The following ANO5 variants were observed in gnomAD, a reference collection of about 807,000 sequenced individuals.
ANO5 encodes anoctamin 5.
Under a neutral mutation model 121.0 loss-of-function variants are expected in ANO5, and 109 were observed. The ratio of observed to expected loss-of-function variants is 0.90; its 90% CI spans 0.77 to 1.06. The LOEUF (loss-of-function observed/expected upper bound fraction) is 1.06, where lower values mean the gene tolerates loss of function less well. Among genes scored for constraint, ANO5 ranks in the 50% least tolerant of loss-of-function variants. The pLI, the probability that ANO5 is intolerant of heterozygous loss-of-function variation, is 0.00. For synonymous variants in ANO5, 406 were observed against 359.9 expected, an observed-to-expected ratio of 1.13 and a Z score of -1.45; for missense variants, 1,064 against 1,078.5, an observed-to-expected ratio of 0.99 and a Z score of 0.19.
chr11:22,196,881 A>C (rs1286842520), intron 1 of ANO5, among the ~76,000 whole-genome samples: 1 of 152,168 alleles, frequency 6.6e-6, no homozygotes, highest in African/African-American at 2.4e-5. Flanking sequence ...TAAATAAATA[A>C]ATAAAATAAA....
chr11:22,225,642 G>C (rs1394460687), intron 5 of ANO5, among the ~76,000 whole-genome samples: 1 of 152,104 alleles, frequency 6.6e-6, no homozygotes, highest in East Asian at 1.9e-4. Flanking sequence ...GAAGAGTATT[G>C]ATCTTTGTAA....
intron 21 of ANO5, among the ~76,000 whole-genome samples, chr11:22,276,616 C>A (rs1453010130): frequency 2.0e-5 from 3 of 151,682 alleles, no homozygotes; most frequent in Non-Finnish European, 4.4e-5. Context: ...TTAACGTTAA[C>A]TAACTAACAT....
chr11:22,196,473 G>A, intron 1 of ANO5, among the ~76,000 whole-genome samples: 1 of 149,244 alleles, frequency 6.7e-6, no homozygotes, highest in Non-Finnish European at 1.5e-5. Context: ...ATAGCACTAA[G>A]ATGTATGAAA....
rs118054824 is a variant in ANO5, at chr11:22,223,036, G to T, written c.294+1826G>T. ...ACCATCACATCTGTCCATCCACCAG[G>T]AGTTTTGCCTGTGTAAGCTATCTTA... On this transcript the variant is annotated intron_variant, in intron 5 of 21. Transcript: ENST00000324559. Among the ~76,000 whole-genome samples, 892 of 151,922 alleles carry T rather than the reference G, an allele frequency of 5.9e-3. 4 individuals are homozygous for T. Among genetic ancestry groups the T allele is most frequent in the Non-Finnish European group, 9.3e-3 (630 of 67,896 alleles).
At chr11:22,277,448 CAT>C (rs1324963927) in intron 21 of ANO5, among the ~76,000 whole-genome samples, 8 of 151,680 alleles carry the variant, frequency 5.3e-5, no homozygotes, top group Admixed American at 1.3e-4. Flanking sequence ...CACTAAATTA[CAT>C]ATGTTTAATA....
chr11:22,213,523 G>A (rs1852348003), intron 3 of ANO5, among the ~76,000 whole-genome samples: 1 of 151,794 alleles, frequency 6.6e-6, no homozygotes, highest in South Asian at 2.1e-4. Context: ...GTCATATCAA[G>A]GGTATATTCT....
chr11:22,193,584 C>T (rs1590203059), intron 1 of ANO5, 52 bp downstream of exon 1: 6 of 1,591,044 alleles, frequency 3.8e-6, no homozygotes, highest in Non-Finnish European at 5.1e-6. Flanking sequence ...CTGCCTGCAC[C>T]CCTCCACCCG....
chr11:22,246,309 T>G (rs1449318424), intron 9 of ANO5, among the ~76,000 whole-genome samples: 1 of 152,156 alleles, frequency 6.6e-6, no homozygotes, highest in Admixed American at 6.6e-5. Flanking sequence ...TGTTTCTTTA[T>G]GTTTTCCACC....
At chr11:22,211,658 G>T (rs1171914905) in intron 3 of ANO5, among the ~76,000 whole-genome samples, 1 of 151,858 alleles carries the variant, frequency 6.6e-6, no homozygotes, top group Non-Finnish European at 1.5e-5. Flanking sequence ...GGCTTACTTA[G>T]TTCAGTATTC....
chr11:22,208,398 C>T (rs1362455724), intron 2 of ANO5, among the ~76,000 whole-genome samples: 4 of 151,904 alleles, frequency 2.6e-5, no homozygotes, highest in Admixed American at 1.3e-4. Context: ...ATCTCCAGGA[C>T]ATTGTGCTAA....
chr11:22,274,680 G>A lies in ANO5; in HGVS notation c.2347G>A (p.Val783Ile), dbSNP rs756648592. ...AGGATATGTGAATAATAGCCTGTCA[G>A]TATTCCTGATAGCTGATTTTCCAAA... is the stretch of plus-strand genomic sequence containing the variant. ...MTGYVNNSLS[V>I]FLIADFPNHT... Residue 783 changes from valine to isoleucine, a missense_variant, in exon 20 of 22, where the codon GTA becomes ATA. Val to Ile is a conservative substitution (Grantham distance 29, BLOSUM62 3). Coordinates refer to ENST00000324559, the MANE Select transcript of ANO5 (RefSeq NM_213599.3). The A allele has an allele frequency of 7.4e-6, 12 of 1,613,588 alleles. No homozygotes were observed. The South Asian group carries it at 1.2e-4, about 16-fold the overall frequency.
At position 22,236,178 on chromosome 11, in the gene ANO5, T is replaced by C. The variant is rs886042372; in HGVS notation, c.664T>C (p.Ser222Pro). Residue 222 changes from serine to proline, a missense_variant, in exon 8 of 22, where the codon TCA (serine) becomes CCA (proline). Transcript: ENST00000324559. ...TACCTTGTAGGTGTACTATATTCTC[T>C]CAAGATGTCCTTTTGGCATAGAAGA... Reference protein sequence around the residue: ...SRNRIVYYILSRCPFGIEDGK... With the variant: ...SRNRIVYYILPRCPFGIEDGK... The C allele has an allele frequency of 1.9e-6, 3 of 1,612,002 alleles. No individual in the cohort carries two copies. The highest frequency in any genetic ancestry group is 1.7e-6 in the Non-Finnish European group (2 of 1,178,474).
At chr11:22,238,286 T>G (rs1853298499) in intron 8 of ANO5, among the ~76,000 whole-genome samples, 1 of 151,178 alleles carries the variant, frequency 6.6e-6, no homozygotes, top group African/African-American at 2.4e-5. Flanking sequence ...TAGTTTTTTT[T>G]TTTTTTTTGA....
At chr11:22,259,484 G>C in intron 14 of ANO5, 35 bp from the exon 15 acceptor site, 1 of 1,560,330 alleles carries the variant, frequency 6.4e-7, no homozygotes, top group African/African-American at 1.4e-5. Flanking sequence ...GAGATACAGA[G>C]ACCCAAATAG....
intron 13 of ANO5, among the ~76,000 whole-genome samples, chr11:22,256,997 C>T (rs1590295286): frequency 6.6e-6 from 1 of 152,092 alleles, no homozygotes; most frequent in Non-Finnish European, 1.5e-5. Flanking sequence ...TATTTTTATT[C>T]AGACCACCCT....
chr11:22,270,137 A>G (rs1466744412), intron 17 of ANO5, among the ~76,000 whole-genome samples, 175 bp from the exon 18 acceptor site: 1 of 152,218 alleles, frequency 6.6e-6, no homozygotes, highest in Non-Finnish European at 1.5e-5. Flanking sequence ...TGCATGTGTC[A>G]TGAAAAGAAC....
At chr11:22,200,172 G>A (rs776714520) in intron 1 of ANO5, among the ~76,000 whole-genome samples, 232 of 152,104 alleles carry the variant, frequency 1.5e-3, no homozygotes, top group Non-Finnish European at 2.2e-3. Context: ...ACACAGTGAC[G>A]GTCATAAGTT....
intron 19 of ANO5, among the ~76,000 whole-genome samples, chr11:22,273,884 CAGTG>C (rs1854728806): frequency 6.6e-6 from 1 of 151,920 alleles, no homozygotes; most frequent in Non-Finnish European, 1.5e-5. Flanking sequence ...CAGATCTATT[CAGTG>C]AGTAATAGAA....
At position 22,279,590 on chromosome 11, in the gene ANO5, A is replaced by G. The variant is rs768342046; in HGVS notation, c.2567A>G (p.Asp856Gly). 1 of 1,612,814 alleles carries G rather than the reference A, an allele frequency of 6.2e-7. No individual in the cohort carries two copies. Among genetic ancestry groups the G allele is most frequent in the Non-Finnish European group, 8.5e-7 (1 of 1,179,178 alleles). The change falls in exon 22 of 22, where the codon GAT (aspartate) becomes GGT (glycine). Residue 856 changes from aspartate (D) to glycine (G), a missense_variant. Asp to Gly is a moderately conservative substitution (Grantham distance 94). Coordinates refer to ENST00000324559, the MANE Select transcript of ANO5 (RefSeq NM_213599.3). ...VKFLLAWMIPDVPKDVVERIK... is the reference protein window; with the variant it reads ...VKFLLAWMIPGVPKDVVERIK... Reference sequence around the variant, plus strand: ...TTTTTGCTGGCCTGGATGATACCTGATGTTCCAAAAGATGTTGTGGAGAGA... The same window carrying G: ...TTTTTGCTGGCCTGGATGATACCTGGTGTTCCAAAAGATGTTGTGGAGAGA...
Sources: gnomAD v4.1 joint callset for allele counts (sites outside exome capture counted in the v4.1 genomes callset) on GRCh38, gnomAD v4.1.1 for gene constraint, MANE v1.5 for transcripts, NCBI Gene and HGNC (gene_info 2026-07-23, HGNC 2026-07-21) for gene names.